Variants in LARP4B observed in about 807,000 individuals in gnomAD.
The protein encoded by LARP4B is La ribonucleoprotein 4B, also known as la-related protein 4B.
LARP4B carries 12 observed loss-of-function variants against 89.8 expected under a neutral mutation model. That is an observed-to-expected ratio of 0.13 (90% CI 0.09 to 0.22). The LOEUF is 0.22. LARP4B is among the 10% of genes least tolerant of loss of function. LARP4B has a pLI of 1.00. For synonymous variants in LARP4B, 367 were observed against 363.3 expected, an observed-to-expected ratio of 1.01 and a Z score of -0.12; for missense variants, 757 against 947.7, an observed-to-expected ratio of 0.80 and a Z score of 2.64.
At chr10:881,311 G>A (rs1292991134) in intron 3 of LARP4B, among the ~76,000 whole-genome samples, 4 of 152,102 alleles carry the variant, frequency 2.6e-5, no homozygotes, top group Non-Finnish European at 5.9e-5. Context: ...AAGATCTTAG[G>A]AGGAATGTCA....
At chr10:890,775 G>A (rs1364783345) in intron 1 of LARP4B, among the ~76,000 whole-genome samples, 1 of 152,050 alleles carries the variant, frequency 6.6e-6, no homozygotes, top group Non-Finnish European at 1.5e-5. Context: ...AATACTTCCA[G>A]GTGATGTTGA....
At chr10:942,266 T>C in the LARP4B span, 2 of 152,196 alleles carry the variant, frequency 1.3e-5, no homozygotes, top group Non-Finnish European at 2.9e-5. Flanking sequence ...TCAAAGAATA[T>C]GGGGGTGTTG....
Position 864,314 on chromosome 10 carries a change from C to G in LARP4B, c.142-44G>C, listed in dbSNP as rs370182162. 8.7e-6 allele frequency: 14 copies of G among 1,603,592 alleles called. No homozygotes were observed. In the African/African-American group the frequency reaches 1.9e-4, roughly 21 times the overall value. On this transcript the variant is annotated intron_variant, in intron 3 of 17. Transcript: ENST00000316157. ...TAGACATTTGTATCCAAATGTCAAC[C>G]AAATACAATTTTACTCATTAATGCA...
At chr10:820,746 G>C (rs1422110317) in intron 14 of LARP4B, 54 bp downstream of exon 14, 6 of 1,418,404 alleles carry the variant, frequency 4.2e-6, no homozygotes, top group African/African-American at 2.9e-5. Flanking sequence ...TCTCAGGTTT[G>C]GTATAAATTA....
At chr10:851,901 A>C (rs1834072365) in intron 5 of LARP4B, among the ~76,000 whole-genome samples, 1 of 152,046 alleles carries the variant, frequency 6.6e-6, no homozygotes, top group Non-Finnish European at 1.5e-5. Flanking sequence ...CTCCATCTCT[A>C]CAGAAAATAC....
At chr10:837,870 C>T (rs1052535070) in intron 7 of LARP4B, among the ~76,000 whole-genome samples, 16 of 151,546 alleles carry the variant, frequency 1.1e-4, no homozygotes, top group African/African-American at 2.4e-4. Context: ...ATCTGTAACA[C>T]GAAAAAAATT....
chr10:863,739 T>C lies in LARP4B; in HGVS notation c.430+4A>G. 1 of 1,601,166 alleles carries C rather than the reference T, an allele frequency of 6.2e-7. No individual in the cohort carries two copies. ...GGGAAAATGCACCCATAAGATATGTTTACCTGTCTCGCTATTTTCAGGCAG... is the reference window on the plus strand; with the variant it reads ...GGGAAAATGCACCCATAAGATATGTCTACCTGTCTCGCTATTTTCAGGCAG... On this transcript the variant is annotated splice_donor_region_variant and intron_variant, in intron 5 of 17. Transcript: ENST00000316157.
intron 1 of LARP4B, among the ~76,000 whole-genome samples, chr10:888,025 A>C (rs1835913216): frequency 6.6e-6 from 1 of 151,740 alleles, no homozygotes; most frequent in Non-Finnish European, 1.5e-5. Context: ...CTCTGTCTTA[A>C]AAACAAATAA....
chr10:887,051 C>T (rs1414658545), intron 1 of LARP4B, among the ~76,000 whole-genome samples: 2 of 152,030 alleles, frequency 1.3e-5, no homozygotes, highest in African/African-American at 4.8e-5. Flanking sequence ...AGTGCCATTG[C>T]ACTCCAGACT....
chr10:951,767 A>G, the LARP4B span, among the ~76,000 whole-genome samples: 1,174 of 152,304 alleles, frequency 7.7e-3, 14 homozygotes, highest in Middle Eastern at 0.014. Flanking sequence ...AATCAACTGC[A>G]TAACAGACAA....
chr10:945,530 CA>C, the LARP4B span, among the ~76,000 whole-genome samples: 61,606 of 151,006 alleles, frequency 0.41, 12,902 homozygotes, highest in African/African-American at 0.44. Flanking sequence ...ACTAAAAATA[CA>C]AAAAAAATTA....
intron 3 of LARP4B, among the ~76,000 whole-genome samples, chr10:882,531 G>C (rs1185164739): frequency 1.3e-5 from 2 of 152,130 alleles, no homozygotes; most frequent in Non-Finnish European, 2.9e-5. Flanking sequence ...GGGACTACAG[G>C]CGTGTGCCAC....
At chr10:944,382 T>C in the LARP4B span, among the ~76,000 whole-genome samples, 4 of 152,168 alleles carry the variant, frequency 2.6e-5, no homozygotes, top group African/African-American at 7.2e-5. Flanking sequence ...GCCTGGGATA[T>C]GGCTCCCAGA....
intron 7 of LARP4B, 103 bp downstream of exon 7, chr10:842,829 A>G (rs1172885335): frequency 9.5e-7 from 1 of 1,054,480 alleles, no homozygotes. Flanking sequence ...CTGATTCGCC[A>G]TCAAGGACCT....
the LARP4B span, among the ~76,000 whole-genome samples, chr10:962,187 T>C: frequency 6.6e-6 from 1 of 151,556 alleles, no homozygotes; most frequent in East Asian, 1.9e-4. Flanking sequence ...TTCCAGCTAT[T>C]TGGGAGGCTG....
At position 867,204 on chromosome 10, in the gene LARP4B, A is replaced by T. The variant is rs984264855; in HGVS notation, c.142-2934T>A. Among the ~76,000 whole-genome samples the T allele has an allele frequency of 9.9e-5, 15 of 152,238 alleles. 1 individual carries two copies. Among genetic ancestry groups the T allele is most frequent in the Admixed American group, 8.5e-4 (13 of 15,284 alleles). The stretch of plus-strand genomic sequence containing the variant: ...ACTGAAGAGATGTCACCAGGAATGA[A>T]AGAATGAAGATGTCTTTTAAGGCTT... On this transcript the variant is annotated intron_variant, in intron 3 of 17. Coordinates refer to ENST00000316157, the MANE Select transcript of LARP4B (RefSeq NM_015155.3).
intron 8 of LARP4B, among the ~76,000 whole-genome samples, chr10:835,433 C>G (rs1833158601): frequency 6.6e-6 from 1 of 152,084 alleles, no homozygotes; most frequent in Admixed American, 6.6e-5. Flanking sequence ...AGAGATGAGA[C>G]CAACAACAAA....
At chr10:858,746 A>G (rs908266047) in intron 5 of LARP4B, among the ~76,000 whole-genome samples, 1 of 152,244 alleles carries the variant, frequency 6.6e-6, no homozygotes, top group Non-Finnish European at 1.5e-5. Flanking sequence ...CATTTATCCA[A>G]AGAAGACAAA....
chr10:808,763 ACACACG>A (rs1831637692), downstream of LARP4B: 2 of 151,648 alleles, frequency 1.3e-5, no homozygotes, highest in South Asian at 2.1e-4. Context: ...ACACACACAC[ACACACG>A]CACACATACA....
Sources: allele counts gnomAD v4.1 joint callset (sites outside exome capture counted in the v4.1 genomes callset), GRCh38; gene constraint gnomAD v4.1.1; transcripts MANE v1.5; gene names NCBI Gene and HGNC (gene_info 2026-07-23, HGNC 2026-07-21).